The following KIFC3 variants were observed in gnomAD, a reference collection of about 807,000 sequenced individuals.
KIFC3 encodes kinesin family member C3, also known as kinesin-like protein KIFC3.
A neutral mutation model predicts 101.8 loss-of-function variants in KIFC3; 60 were observed. That is an observed-to-expected ratio of 0.59 (90% CI 0.48 to 0.73). The LOEUF is 0.73. KIFC3 is among the 30% of genes least tolerant of loss of function. The pLI, the probability that KIFC3 is intolerant of heterozygous loss-of-function variation, is 0.00. For synonymous variants in KIFC3, 476 were observed against 482.7 expected, an observed-to-expected ratio of 0.99 and a Z score of 0.18; for missense variants, 966 against 1,137.1, an observed-to-expected ratio of 0.85 and a Z score of 2.16.
intron 1 of KIFC3, among the ~76,000 whole-genome samples, chr16:57,815,811 C>T (rs576749549): frequency 3.5e-4 from 54 of 152,314 alleles, no homozygotes; most frequent in Admixed American, 7.2e-4. Flanking sequence ...CACACACACC[C>T]CCAAACACCC....
At chr16:57,835,675 C>A (rs886435539) in intron 1 of KIFC3, among the ~76,000 whole-genome samples, 1 of 152,188 alleles carries the variant, frequency 6.6e-6, no homozygotes, top group Non-Finnish European at 1.5e-5. Context: ...CCAGCCCAGG[C>A]GCAGTGGCTC....
chr16:57,808,586 AAGAG>A lies in KIFC3; in HGVS notation c.109-10308_109-10305del, dbSNP rs374744837. Among the ~76,000 whole-genome samples the A allele has an allele frequency of 2.4e-4, 37 of 151,728 alleles. No homozygotes were observed. In the East Asian group the frequency reaches 6.9e-3, roughly 28 times the overall value. On this transcript the variant is annotated intron_variant, in intron 1 of 2. Transcript: ENST00000563028. ...TTTCTGCACAAATCTAATAGAAACC[AAGAG>A]AGAGAGGAAAAACACAAAAACTAAA...
chr16:57,782,135 G>A, intron 3 of KIFC3: 4 of 985,460 alleles, frequency 4.1e-6, no homozygotes, highest in Non-Finnish European at 3.6e-6. Flanking sequence ...GCACACGGGA[G>A]TGACAGCTCA....
At chr16:57,810,080 T>C (rs1252000408) in intron 1 of KIFC3, among the ~76,000 whole-genome samples, 1 of 152,164 alleles carries the variant, frequency 6.6e-6, no homozygotes, top group Non-Finnish European at 1.5e-5. Flanking sequence ...TCCAACACTC[T>C]GGCCCATCCT....
At chr16:57,835,675 C>T (rs886435539) in intron 1 of KIFC3, among the ~76,000 whole-genome samples, 2 of 152,188 alleles carry the variant, frequency 1.3e-5, no homozygotes, top group Admixed American at 6.5e-5. Flanking sequence ...CCAGCCCAGG[C>T]GCAGTGGCTC....
intron 1 of KIFC3, among the ~76,000 whole-genome samples, chr16:57,844,711 A>G (rs1311424049): frequency 6.6e-6 from 1 of 152,108 alleles, no homozygotes; most frequent in Admixed American, 6.6e-5. Context: ...GGCTGGAACT[A>G]CAAACATGGT....
At position 57,802,275 on chromosome 16, in the gene KIFC3, A is replaced by C. The variant is rs1233297457; in HGVS notation, c.-40+95T>G. 1 of 646,034 alleles carries C rather than the reference A, an allele frequency of 1.5e-6. No individual in the cohort carries two copies. Among genetic ancestry groups the C allele is most frequent in the Non-Finnish European group, 1.9e-6 (1 of 520,198 alleles). The allele number at this position is 646,034 out of a possible 1,614,324, so 40.0% of individuals were successfully genotyped here. ...AGCGGGTCCGGGCAGAGGGGTCCCG[A>C]GGGCAGGGCCGGCCCGGACGCGGCG... On this transcript the variant is annotated intron_variant, in intron 1 of 19. Coordinates refer to ENST00000445690, the MANE Select transcript of KIFC3 (RefSeq NM_001130100.2). The surrounding 1 kb of genome is among the most constrained non-coding windows in gnomAD (Gnocchi z 5.0).
intron 1 of KIFC3, among the ~76,000 whole-genome samples, chr16:57,861,686 G>A (rs1237030825): frequency 2.6e-5 from 4 of 152,122 alleles, no homozygotes; most frequent in East Asian, 1.9e-4. Context: ...GGCCAGGCGC[G>A]GTAGCTCACA....
chr16:57,760,264 C>T lies in KIFC3; in HGVS notation c.2367+18G>A. On this transcript the variant is annotated intron_variant, in intron 17 of 19. Transcript: ENST00000445690. ...TGACCCAGGGCCACCTGAGCCAGGCCTGTGACAGTCCCCGTACCTCTAGAT... is the reference window on the plus strand; with the variant it reads ...TGACCCAGGGCCACCTGAGCCAGGCTTGTGACAGTCCCCGTACCTCTAGAT... 1.2e-6 allele frequency: 2 copies of T among 1,605,302 alleles called. No individual in the cohort carries two copies. The highest frequency in any genetic ancestry group is 1.3e-5 in the African/African-American group (1 of 74,886).
chr16:57,836,101 G>A (rs781785938), intron 1 of KIFC3, among the ~76,000 whole-genome samples: 1 of 152,062 alleles, frequency 6.6e-6, no homozygotes, highest in Non-Finnish European at 1.5e-5. Flanking sequence ...AACTCAAAGG[G>A]TGACGCAGGA....
intron 3 of KIFC3, among the ~76,000 whole-genome samples, chr16:57,781,429 C>A (rs1281711379): frequency 2.0e-5 from 3 of 152,238 alleles, no homozygotes; most frequent in African/African-American, 7.2e-5. Flanking sequence ...GAACTCAAGG[C>A]CAGCAGGACA....
Position 57,760,301 on chromosome 16 carries a change from G to A in KIFC3, c.2348C>T (p.Ser783Leu), listed in dbSNP as rs782147540. Residue 783 changes from serine (S) to leucine (L), a missense_variant, in exon 17 of 20, where the codon TCA becomes TTA. Coordinates refer to ENST00000445690, the MANE Select transcript of KIFC3 (RefSeq NM_001130100.2). Reference protein sequence around the residue: ...GLRRAELGSWSSQEHLEWEPA... With the variant: ...GLRRAELGSWLSQEHLEWEPA... The stretch of plus-strand genomic sequence containing the variant: ...CCGTACCTCTAGATGCTCCTGGCTT[G>A]ACCAGGACCCAAGCTCTGCCCTGCG... The A allele has an allele frequency of 5.6e-6, 9 of 1,613,410 alleles. No individual in the cohort carries two copies. The highest frequency in any genetic ancestry group is 4.0e-5 in the African/African-American group (3 of 74,928).
intron 1 of KIFC3, among the ~76,000 whole-genome samples, chr16:57,855,655 G>A (rs2056149442): frequency 6.6e-6 from 1 of 151,662 alleles, no homozygotes; most frequent in African/African-American, 2.4e-5. Context: ...AACATTAAGA[G>A]CAGAACTTGG....
chr16:57,764,847 T>G, intron 11 of KIFC3, among the ~76,000 whole-genome samples: 1 of 49,130 alleles, frequency 2.0e-5, no homozygotes, highest in Non-Finnish European at 3.9e-5. Flanking sequence ...GGGGCTGTGA[T>G]GGTGGGAGGG....
chr16:57,761,604 C>T, intron 13 of KIFC3, 68 bp from the exon 14 acceptor site: 5 of 1,561,128 alleles, frequency 3.2e-6, no homozygotes, highest in Non-Finnish European at 4.3e-6. Flanking sequence ...TGCACCCAGC[C>T]CCCCAGCCAG....
At chr16:57,814,112 A>T (rs900613202) in intron 1 of KIFC3, among the ~76,000 whole-genome samples, 2 of 151,998 alleles carry the variant, frequency 1.3e-5, no homozygotes, top group Non-Finnish European at 2.9e-5. Flanking sequence ...AGAGCTCTTC[A>T]CCATCTGCCT....
Position 57,785,331 on chromosome 16 carries a change from G to C in KIFC3, c.315+9668C>G, listed in dbSNP as rs575136215. On this transcript the variant is annotated intron_variant, in intron 3 of 19. Transcript: ENST00000445690. ...GACTCTCACCACCCTACCCTCCAGCGTATTCCAGGAAACGAGACCCCAGCT... is the reference window on the plus strand; with the variant it reads ...GACTCTCACCACCCTACCCTCCAGCCTATTCCAGGAAACGAGACCCCAGCT... 336 of 328,526 alleles carry C rather than the reference G, an allele frequency of 1.0e-3. 8 individuals are homozygous for C. The South Asian group carries it at 0.012, about 12-fold the overall frequency. 20.4% of individuals were successfully genotyped at this position (328,526 alleles called of 1,614,324 possible). A position where few individuals can be genotyped will look rare whatever the true frequency, so the allele number is the denominator to read the frequency against.
At chr16:57,830,924 TC>T (rs782538576) in intron 1 of KIFC3, among the ~76,000 whole-genome samples, 12 of 152,130 alleles carry the variant, frequency 7.9e-5, no homozygotes, top group Admixed American at 2.0e-4. Flanking sequence ...AGCCTCTTTT[TC>T]CCCCCAGGTC....
chr16:57,862,422 C>T (rs1389738352), intron 1 of KIFC3, among the ~76,000 whole-genome samples: 2 of 151,790 alleles, frequency 1.3e-5, no homozygotes, highest in Admixed American at 1.3e-4. Flanking sequence ...CTTGGTTGAC[C>T]GAGGGTTACT....
Sources: gnomAD v4.1 joint callset for allele counts (sites outside exome capture counted in the v4.1 genomes callset) on GRCh38, gnomAD v4.1.1 for gene constraint, Gnocchi (gnomAD v3.1) non-coding constraint, MANE v1.5 for transcripts, NCBI Gene and HGNC (gene_info 2026-07-23, HGNC 2026-07-21) for gene names.